The following RSRC2 variants were observed in gnomAD, a reference collection of about 807,000 sequenced individuals.
The protein encoded by RSRC2 is arginine/serine-rich coiled-coil protein 2.
In RSRC2, 5 loss-of-function variants were observed where a neutral mutation model predicts 61.3. That is an observed-to-expected ratio of 0.08 (90% CI 0.04 to 0.17). The LOEUF is 0.17. Ranked by LOEUF, RSRC2 falls within the 10% of genes least tolerant of loss-of-function variation. RSRC2 has a pLI of 1.00. For missense variants in RSRC2, 381 were observed against 518.8 expected, an observed-to-expected ratio of 0.73 and a Z score of 2.58; for synonymous variants, 202 against 166.5, an observed-to-expected ratio of 1.21 and a Z score of -1.64.
At chr12:122,506,976 A>G in intron 8 of RSRC2, 53 bp from the exon 9 acceptor site, 1 of 989,114 alleles carries the variant, frequency 1.0e-6, no homozygotes, top group Admixed American at 1.9e-5. Context: ...ATTTTTTAGG[A>G]CATGAAATCT....
intron 7 of RSRC2, among the ~76,000 whole-genome samples, chr12:122,509,830 TTTTG>T (rs1360105037): frequency 2.6e-5 from 4 of 152,218 alleles, no homozygotes; most frequent in East Asian, 3.9e-4. Flanking sequence ...ATTTTTTGTT[TTTTG>T]TTTTTGTTTT....
At chr12:122,526,458 C>G (rs1960440195) in intron 1 of RSRC2, among the ~76,000 whole-genome samples, 1 of 152,228 alleles carries the variant, frequency 6.6e-6, no homozygotes, top group African/African-American at 2.4e-5. Context: ...CAATACTTTT[C>G]AGAGACCACT....
chr12:122,505,656 A>T lies in RSRC2; in HGVS notation c.1176T>A (p.Thr392=), dbSNP rs1174585812. 2.5e-6 allele frequency: 4 copies of T among 1,614,090 alleles called. No homozygotes were observed. The highest frequency in any genetic ancestry group is 1.7e-5 in the Admixed American group (1 of 60,024). The change falls in exon 10 of 10, where the codon ACT becomes ACA. Residue 392 remains threonine (T), a synonymous_variant. Coordinates refer to ENST00000331738, the MANE Select transcript of RSRC2 (RefSeq NM_023012.6). Reference sequence around the variant, plus strand: ...GAAATACTTCTTCCTGCTGCTTCAGAGTCTTGTAACTTTCTTCATCAACTG... The same window carrying T: ...GAAATACTTCTTCCTGCTGCTTCAGTGTCTTGTAACTTTCTTCATCAACTG... ...CSSVDEESYK[T]LKQQEEVFRN... is the part of the protein sequence containing the mutation.
At chr12:122,506,019 C>A (rs936559177) in intron 9 of RSRC2, among the ~76,000 whole-genome samples, 8 of 151,052 alleles carry the variant, frequency 5.3e-5, no homozygotes, top group Admixed American at 6.6e-5. Context: ...CCTCAGGGAT[C>A]CCCCCTGCCG....
At chr12:122,516,167 C>T (rs931714945) in intron 5 of RSRC2, among the ~76,000 whole-genome samples, 3 of 152,022 alleles carry the variant, frequency 2.0e-5, no homozygotes, top group Non-Finnish European at 4.4e-5. Context: ...AAGTACAGGT[C>T]CCTTTTTAAA....
chr12:122,517,520 A>G (rs765913180), intron 4 of RSRC2, 90 bp from the exon 5 acceptor site: 8 of 1,483,926 alleles, frequency 5.4e-6, no homozygotes, highest in African/African-American at 2.8e-5. Flanking sequence ...TAGTAACGCA[A>G]TAAAGACAAG....
chr12:122,516,863 T>C (rs1958969402), intron 5 of RSRC2, among the ~76,000 whole-genome samples: 2 of 152,106 alleles, frequency 1.3e-5, no homozygotes, highest in African/African-American at 4.8e-5. Flanking sequence ...AGGCTAATTT[T>C]CATATCTTTT....
intron 3 of RSRC2, 32 bp downstream of exon 3, chr12:122,521,352 TA>T (rs764159364): frequency 1.3e-6 from 2 of 1,542,232 alleles, no homozygotes; most frequent in African/African-American, 2.7e-5. Flanking sequence ...ATAAGTATTT[TA>T]AAGTACCTAT....
intron 9 of RSRC2, 50 bp from the exon 10 acceptor site, chr12:122,505,756 T>G: frequency 6.8e-7 from 1 of 1,475,732 alleles, no homozygotes; most frequent in Non-Finnish European, 9.3e-7. Flanking sequence ...GAGATAAATA[T>G]TCTCTCACTT....
rs1465329009 is a variant in RSRC2 at position 122,508,228 on chromosome 12, T to C, written c.1025A>G (p.Lys342Arg). The C allele has an allele frequency of 1.9e-6, 3 of 1,613,648 alleles. No homozygotes were observed. In the African/African-American group the frequency reaches 4.0e-5, roughly 22 times the overall value. ...EKKRKMLWQG[K>R]KEGDKSQSAE... ...AATAAGAGAACTTACCCCTTCTTTC[T>C]TGCCCTGCCAAAGCATTTTCCTTTT... is the stretch of plus-strand genomic sequence containing the variant. Residue 342 changes from lysine to arginine, a missense_variant, in exon 8 of 10, where the codon AAG becomes AGG. Lys to Arg is a conservative substitution (Grantham distance 26). Transcript: ENST00000331738.
chr12:122,505,831 T>C (rs1958079708), intron 9 of RSRC2, 125 bp from the exon 10 acceptor site: 9 of 739,520 alleles, frequency 1.2e-5, no homozygotes, highest in African/African-American at 5.4e-5. Context: ...CCGTCTGGAG[T>C]GCAGTGGTGC....
chr12:122,519,491 TATAATTTCAA>T (rs1959165155), intron 3 of RSRC2: 1 of 156,924 alleles, frequency 6.4e-6, no homozygotes, highest in Non-Finnish European at 1.4e-5. Context: ...TAATATTTTC[TATAATTTCAA>T]ATTATTTTAC....
intron 8 of RSRC2, 186 bp from the exon 9 acceptor site, chr12:122,507,109 G>C (rs1258083440): frequency 1.6e-6 from 1 of 611,738 alleles, no homozygotes; most frequent in African/African-American, 1.9e-5. Context: ...TTGGCGCCGT[G>C]CTTCACTCCT....
intron 1 of RSRC2, among the ~76,000 whole-genome samples, chr12:122,524,154 A>G (rs1463910078): frequency 6.6e-6 from 1 of 152,226 alleles, no homozygotes; most frequent in Non-Finnish European, 1.5e-5. Flanking sequence ...ACTTGCTTAA[A>G]ATGATACTGC....
chr12:122,513,884 A>C, intron 6 of RSRC2: 1 of 894,150 alleles, frequency 1.1e-6, no homozygotes, highest in Non-Finnish European at 1.3e-6. Flanking sequence ...TCTACAAAAA[A>C]TACAAAAATT....
intron 6 of RSRC2, 110 bp from the exon 7 acceptor site, chr12:122,511,298 A>G (rs111716231): frequency 5.9e-6 from 4 of 678,484 alleles, no homozygotes; most frequent in East Asian, 5.8e-5. Flanking sequence ...AAAATTTTAA[A>G]TTTTTAGCAT....
chr12:122,510,986 C>G (rs1014713620), intron 7 of RSRC2, 123 bp downstream of exon 7: 1 of 656,502 alleles, frequency 1.5e-6, no homozygotes, highest in African/African-American at 1.8e-5. Flanking sequence ...GAGTTTGAGG[C>G]TACCATGCGC....
At position 122,526,901 on chromosome 12, in the gene RSRC2, A is replaced by T; in HGVS notation, c.-48T>A. 1.2e-6 allele frequency: 2 copies of T among 1,611,896 alleles called. No homozygotes were observed. The highest frequency in any genetic ancestry group is 1.7e-6 in the Non-Finnish European group (2 of 1,177,950). On this transcript the variant is annotated 5_prime_UTR_variant, in exon 1 of 10. Transcript: ENST00000331738. ...AGCGGCGCCTCCACTTGTCGCTTTCAACAGTACCGGCCGCTCCGAAGCTTC... is the reference window on the plus strand; with the variant it reads ...AGCGGCGCCTCCACTTGTCGCTTTCTACAGTACCGGCCGCTCCGAAGCTTC...
intron 2 of RSRC2, 127 bp downstream of exon 2, chr12:122,522,016 G>T: frequency 1.0e-6 from 1 of 971,544 alleles, no homozygotes; most frequent in Non-Finnish European, 1.5e-6. Flanking sequence ...GCCTCCCAAA[G>T]TGCTGGCATT....
Sources: gnomAD v4.1 joint callset for allele counts (sites outside exome capture counted in the v4.1 genomes callset) on GRCh38, gnomAD v4.1.1 for gene constraint, MANE v1.5 for transcripts, NCBI Gene and HGNC (gene_info 2026-07-23, HGNC 2026-07-21) for gene names.